The following KIF5C variants were observed in gnomAD, a reference collection of about 807,000 sequenced individuals.
KIF5C encodes kinesin family member 5C, also known as kinesin heavy chain isoform 5C.
A neutral mutation model predicts 125.2 loss-of-function variants in KIF5C; 18 were observed. That is an observed-to-expected ratio of 0.14 (90% CI 0.10 to 0.21). The LOEUF (loss-of-function observed/expected upper bound fraction) is 0.21, where lower values mean the gene tolerates loss of function less well. Among genes scored for constraint, KIF5C ranks in the 10% least tolerant of loss-of-function variants. KIF5C has a pLI of 1.00. For synonymous variants in KIF5C, 405 were observed against 434.0 expected (o/e 0.93, Z 0.83); for missense variants, 780 against 1,183.8 (o/e 0.66, Z 5.01).
chr2:148,910,637 G>C (rs1254779122), intron 1 of KIF5C, among the ~76,000 whole-genome samples: 3 of 152,228 alleles, frequency 2.0e-5, no homozygotes, highest in Admixed American at 6.5e-5. Flanking sequence ...AGGTCCAGTA[G>C]AGAAGGACAT....
intron 1 of KIF5C, among the ~76,000 whole-genome samples, chr2:148,919,767 A>G (rs1681708309): frequency 1.3e-5 from 2 of 152,254 alleles, no homozygotes; most frequent in African/African-American, 2.4e-5. Context: ...GACCTAAAAT[A>G]AAAGCCTATA....
At chr2:148,942,648 T>G (rs1157697891) in intron 6 of KIF5C, 25 bp from the exon 7 acceptor site, 1 of 1,598,000 alleles carries the variant, frequency 6.3e-7, no homozygotes, top group Admixed American at 1.7e-5. Context: ...CTTTCAGTGG[T>G]GAACCTGAAC....
At chr2:148,895,514 T>TA (rs1681816438) in intron 1 of KIF5C, among the ~76,000 whole-genome samples, 2 of 151,834 alleles carry the variant, frequency 1.3e-5, no homozygotes, top group South Asian at 4.2e-4. Context: ...CTTTTTTTTT[T>TA]ATCTTGAATC....
At position 148,875,591 on chromosome 2, in the gene KIF5C, C is replaced by CT; in HGVS notation, c.-27_-26insT. Reference sequence around the variant, plus strand: ...CCGGCCCCGGCCCCCCACCCATCCCCGTGCCCCCTCCCTACCGCCGGCCGA... The same window carrying CT: ...CCGGCCCCGGCCCCCCACCCATCCCCTGTGCCCCCTCCCTACCGCCGGCCGA... On this transcript the variant is annotated 5_prime_UTR_variant, in exon 1 of 26. Transcript: ENST00000435030. The CT allele has an allele frequency of 2.2e-6, 3 of 1,385,702 alleles. No individual in the cohort carries two copies. Among genetic ancestry groups the CT allele is most frequent in the Admixed American group, 4.1e-5 (2 of 49,140 alleles). 85.8% of individuals were successfully genotyped at this position (1,385,702 alleles called of 1,614,324 possible).
chr2:149,009,920 C>T (rs905679981), intron 23 of KIF5C, among the ~76,000 whole-genome samples: 12 of 152,152 alleles, frequency 7.9e-5, no homozygotes, highest in African/African-American at 2.9e-4. Flanking sequence ...TTAATTGTAT[C>T]CCCACCCCAC....
chr2:148,973,824 C>A (rs73965231), intron 12 of KIF5C, among the ~76,000 whole-genome samples: 4,535 of 152,212 alleles, frequency 0.03, 251 homozygotes, highest in African/African-American at 0.1. Context: ...TGTCTATGAT[C>A]TTTAAGTCTC....
intron 1 of KIF5C, among the ~76,000 whole-genome samples, chr2:148,917,710 C>T (rs1681617629): frequency 6.6e-6 from 1 of 152,230 alleles, no homozygotes; most frequent in Non-Finnish European, 1.5e-5. Flanking sequence ...CTTCTGAATA[C>T]AGTACTCCTC....
rs918694991 is a variant in KIF5C, at chr2:148,924,108, T to G, written c.217+1881T>G. ...GAATTGATGAAGGTCTGATTGGATT[T>G]CACAAATATCCACTGAGGCTAGTGT... On this transcript the variant is annotated intron_variant, in intron 2 of 25. Coordinates refer to ENST00000435030, the MANE Select transcript of KIF5C (RefSeq NM_004522.3). This position sits in a 1 kb window ranked among gnomAD's most constrained non-coding sequence, Gnocchi z 4.0. 3.3e-5 allele frequency among the ~76,000 whole-genome samples: 5 copies of G among 152,214 alleles called. No individual in the cohort carries two copies. Among genetic ancestry groups the G allele is most frequent in the African/African-American group, 1.2e-4 (5 of 41,450 alleles).
At chr2:148,902,039 C>T (rs1004646115) in intron 1 of KIF5C, among the ~76,000 whole-genome samples, 3 of 152,152 alleles carry the variant, frequency 2.0e-5, no homozygotes, top group Non-Finnish European at 4.4e-5. Context: ...CAGAAGAGAC[C>T]TCTTCACCGG....
At chr2:148,914,189 C>T (rs781109864) in intron 1 of KIF5C, among the ~76,000 whole-genome samples, 1 of 152,186 alleles carries the variant, frequency 6.6e-6, no homozygotes, top group Non-Finnish European at 1.5e-5. Context: ...GGACTAGAAC[C>T]AGTTGCCTGA....
chr2:148,893,223 T>C (rs1164895602), intron 1 of KIF5C, among the ~76,000 whole-genome samples: 1 of 152,242 alleles, frequency 6.6e-6, no homozygotes, highest in Non-Finnish European at 1.5e-5. Flanking sequence ...CCCTGTTTCC[T>C]TTCTACTCTT....
Position 148,875,527 on chromosome 2 carries a change from T to C in KIF5C, c.-91T>C. On this transcript the variant is annotated 5_prime_UTR_variant, in exon 1 of 26. Coordinates refer to ENST00000435030, the MANE Select transcript of KIF5C (RefSeq NM_004522.3). Reference sequence around the variant, plus strand: ...CGGAGGCTGCAGGAGGCGGCCTAGCTGTGGGCGGTGCAGCTCGCGGCCTCC... The same window carrying C: ...CGGAGGCTGCAGGAGGCGGCCTAGCCGTGGGCGGTGCAGCTCGCGGCCTCC... The C allele has an allele frequency of 9.1e-7, 1 of 1,100,182 alleles. No homozygotes were observed. Among genetic ancestry groups the C allele is most frequent in the Non-Finnish European group, 1.3e-6 (1 of 746,720 alleles). 68.2% of individuals were successfully genotyped at this position (1,100,182 alleles called of 1,614,324 possible).
chr2:149,010,746 T>G (rs1187518487), intron 24 of KIF5C, among the ~76,000 whole-genome samples: 1 of 152,214 alleles, frequency 6.6e-6, no homozygotes, highest in Non-Finnish European at 1.5e-5. Context: ...AGCCCATATG[T>G]AGCCAGAGCC....
intron 1 of KIF5C, among the ~76,000 whole-genome samples, chr2:148,908,363 T>C (rs1681197627): frequency 6.6e-6 from 1 of 152,236 alleles, no homozygotes; most frequent in South Asian, 2.1e-4. Flanking sequence ...TCTCTCCGTT[T>C]ATTTAAAAAA....
intron 12 of KIF5C, among the ~76,000 whole-genome samples, chr2:148,976,805 T>G (rs1681087235): frequency 6.6e-6 from 1 of 151,904 alleles, no homozygotes; most frequent in Admixed American, 6.6e-5. Context: ...GGTCTCGGAC[T>G]CCTGGGCTCA....
At chr2:148,952,819 G>A (rs751609435) in intron 10 of KIF5C, among the ~76,000 whole-genome samples, 12 of 152,192 alleles carry the variant, frequency 7.9e-5, no homozygotes, top group Non-Finnish European at 1.8e-4. Context: ...GTCCGTGACC[G>A]ATGGCAGGCT....
intron 14 of KIF5C, among the ~76,000 whole-genome samples, chr2:148,983,407 A>G (rs1318959997): frequency 6.6e-6 from 1 of 152,234 alleles, no homozygotes; most frequent in African/African-American, 2.4e-5. Flanking sequence ...GTAGACATAT[A>G]ATGTATCAGG....
At chr2:149,001,732 C>G (rs1005259645) in intron 21 of KIF5C, among the ~76,000 whole-genome samples, 2 of 152,218 alleles carry the variant, frequency 1.3e-5, no homozygotes, top group African/African-American at 4.8e-5. Context: ...CATAGCCTCT[C>G]CATTTGGTGA....
chr2:149,003,266 C>T (rs73011339), intron 21 of KIF5C, among the ~76,000 whole-genome samples: 6,212 of 152,326 alleles, frequency 0.041, 404 homozygotes, highest in African/African-American at 0.13. Context: ...GCGCAGGGCC[C>T]GTTCTGCCTC....
Sources: allele counts gnomAD v4.1 joint callset (sites outside exome capture counted in the v4.1 genomes callset), GRCh38; gene constraint gnomAD v4.1.1; non-coding constraint Gnocchi (gnomAD v3.1); transcripts MANE v1.5; gene names NCBI Gene and HGNC (gene_info 2026-07-23, HGNC 2026-07-21).